The following SLC22A23 variants were observed in gnomAD, a reference collection of about 807,000 sequenced individuals.
The protein encoded by SLC22A23 is solute carrier family 22 member 23.
Under a neutral mutation model 61.0 loss-of-function variants are expected in SLC22A23, and 26 were observed. The ratio of observed to expected loss-of-function variants is 0.43; its 90% CI spans 0.31 to 0.59. The LOEUF (loss-of-function observed/expected upper bound fraction) is 0.59. Ranked by LOEUF, SLC22A23 falls within the 20% of genes least tolerant of loss-of-function variation. The pLI is 0.11. For missense variants in SLC22A23, 796 were observed against 934.7 expected, an observed-to-expected ratio of 0.85 and a Z score of 1.94; for synonymous variants, 430 against 413.9, an observed-to-expected ratio of 1.04 and a Z score of -0.47.
intron 3 of SLC22A23, among the ~76,000 whole-genome samples, chr6:3,331,508 A>G (rs1763579244): frequency 6.6e-6 from 1 of 152,256 alleles, no homozygotes. Context: ...GGAACTCATC[A>G]AAGTCCACAT....
chr6:3,366,330 C>G (rs1187880026), intron 3 of SLC22A23, among the ~76,000 whole-genome samples: 6 of 26,666 alleles, frequency 2.3e-4, no homozygotes, highest in African/African-American at 4.3e-4. Flanking sequence ...AAGACTCTGT[C>G]TCAAAAAAAA....
intron 3 of SLC22A23, among the ~76,000 whole-genome samples, chr6:3,338,499 G>A (rs1763980216): frequency 1.3e-5 from 2 of 152,174 alleles, no homozygotes; most frequent in Admixed American, 6.5e-5. Flanking sequence ...GCTAATTTTT[G>A]TGTTTTTAGG....
chr6:3,381,899 G>A (rs1319896052), intron 3 of SLC22A23, among the ~76,000 whole-genome samples: 1 of 152,098 alleles, frequency 6.6e-6, no homozygotes, highest in Non-Finnish European at 1.5e-5. Context: ...CATGCACCCT[G>A]CTTAAAGAAT....
At chr6:3,278,721 A>G (rs1759140698) in intron 9 of SLC22A23, among the ~76,000 whole-genome samples, 1 of 152,242 alleles carries the variant, frequency 6.6e-6, no homozygotes, top group Non-Finnish European at 1.5e-5. Flanking sequence ...CTGAACACCT[A>G]AAATAGCCAA....
intron 3 of SLC22A23, among the ~76,000 whole-genome samples, chr6:3,389,328 A>G (rs1225928351): frequency 6.6e-6 from 1 of 150,856 alleles, no homozygotes; most frequent in Non-Finnish European, 1.5e-5. Context: ...GCTGAATGGC[A>G]TGACAGAAGC....
chr6:3,283,892 T>G lies in SLC22A23; in HGVS notation c.1663A>C (p.Ser555Arg). ...GTGATCTCCGCACAGAAGAACACGC[T>G]GAGGCTCCCCACCGCATGGGAGGCA... ...MFASHAVGSL[S>R]VFFCAEITPT... Residue 555 changes from serine to arginine, a missense_variant, in exon 9 of 10, where the codon AGC (serine) becomes CGC (arginine). Physicochemically the swap from Ser to Arg is moderately radical, Grantham distance 110 (BLOSUM62 -1). Transcript: ENST00000406686. 6.2e-7 allele frequency: 1 copy of G among 1,612,972 alleles called. No individual in the cohort carries two copies. Among genetic ancestry groups the G allele is most frequent in the South Asian group, 1.1e-5 (1 of 91,064 alleles).
Position 3,327,420 on chromosome 6 carries a change from T to C in SLC22A23, c.914-3418A>G, listed in dbSNP as rs1763347335. On this transcript the variant is annotated intron_variant, in intron 3 of 9. Transcript: ENST00000406686. This position sits in a 1 kb window ranked among gnomAD's most constrained non-coding sequence, Gnocchi z 4.1. The stretch of plus-strand genomic sequence containing the variant: ...TCATGGGCAGCCAGACTCTCCCTGA[T>C]TATGTAAAACATTTAAGGGCCACAA... 6.6e-6 allele frequency among the ~76,000 whole-genome samples: 1 copy of C among 152,268 alleles called. No individual in the cohort carries two copies. The highest frequency in any genetic ancestry group is 2.1e-4 in the South Asian group (1 of 4,834).
In SLC22A23 at chr6:3,324,927, C is replaced by T. The variant is rs1763189838; in HGVS notation, c.914-925G>A. Among the ~76,000 whole-genome samples the T allele has an allele frequency of 6.6e-6, 1 of 152,254 alleles. No homozygotes were observed. Among genetic ancestry groups the T allele is most frequent in the Admixed American group, 6.5e-5 (1 of 15,290 alleles). ...CCAAGTGACAACCAATACAGACTTA[C>T]TACTACGTGAATCACCATAATGAAA... On this transcript the variant is annotated intron_variant, in intron 3 of 9. Coordinates refer to ENST00000406686, the MANE Select transcript of SLC22A23 (RefSeq NM_015482.2). The surrounding 1 kb of genome is among the most constrained non-coding windows in gnomAD (Gnocchi z 4.3).
chr6:3,274,837 TAAAA>T (rs1203763326), intron 9 of SLC22A23, among the ~76,000 whole-genome samples: 3 of 152,092 alleles, frequency 2.0e-5, no homozygotes, highest in Non-Finnish European at 4.4e-5. Context: ...AATTAAAAGA[TAAAA>T]ATAAATGGAG....
intron 7 of SLC22A23, among the ~76,000 whole-genome samples, chr6:3,285,328 C>A (rs531439485): frequency 3.5e-4 from 54 of 152,360 alleles, no homozygotes; most frequent in Middle Eastern, 3.4e-3. Flanking sequence ...AGGAGTGAGA[C>A]CCTGCTGGCC....
At chr6:3,442,973 C>T (rs1771693037) in intron 1 of SLC22A23, among the ~76,000 whole-genome samples, 1 of 152,226 alleles carries the variant, frequency 6.6e-6, no homozygotes, top group Non-Finnish European at 1.5e-5. Context: ...TGGAAGACTG[C>T]TCCCTGGCTC....
Position 3,427,196 on chromosome 6 carries a change from C to T in SLC22A23, c.655-11341G>A, listed in dbSNP as rs1195285783. ...GACGTAGGAGTCGCAAAACCTTCACCAGAGGGTTGTTACAAGAGTCAAAAA... is the reference window on the plus strand; with the variant it reads ...GACGTAGGAGTCGCAAAACCTTCACTAGAGGGTTGTTACAAGAGTCAAAAA... On this transcript the variant is annotated intron_variant, in intron 1 of 9. Coordinates refer to ENST00000406686, the MANE Select transcript of SLC22A23 (RefSeq NM_015482.2). The surrounding 1 kb of genome is among the most constrained non-coding windows in gnomAD (Gnocchi z 4.3). Among the ~76,000 whole-genome samples, 1 of 152,146 alleles carries T rather than the reference C, an allele frequency of 6.6e-6. No homozygotes were observed. Among genetic ancestry groups the T allele is most frequent in the African/African-American group, 2.4e-5 (1 of 41,418 alleles).
At chr6:3,289,952 G>A in intron 5 of SLC22A23, 86 bp from the exon 6 acceptor site, 3 of 797,654 alleles carry the variant, frequency 3.8e-6, no homozygotes, top group Non-Finnish European at 4.2e-6. Flanking sequence ...TGGTTCCCCA[G>A]TTCGGGTACC....
rs569912159 is a variant in SLC22A23 at position 3,329,448 on chromosome 6, A to C, written c.914-5446T>G. 8.5e-4 allele frequency among the ~76,000 whole-genome samples: 130 copies of C among 152,304 alleles called. No individual in the cohort carries two copies. Among genetic ancestry groups the C allele is most frequent in the African/African-American group, 3.1e-3 (127 of 41,570 alleles). On this transcript the variant is annotated intron_variant, in intron 3 of 9. Transcript: ENST00000406686. This position sits in a 1 kb window ranked among gnomAD's most constrained non-coding sequence, Gnocchi z 4.8. ...GGATTTTTCTGGACTGGAGTTGGCA[A>C]GTAACAAAGGAATATATTAAGTTGA...
At chr6:3,374,269 G>A (rs1365211467) in intron 3 of SLC22A23, among the ~76,000 whole-genome samples, 1 of 152,222 alleles carries the variant, frequency 6.6e-6, no homozygotes, top group African/African-American at 2.4e-5. Flanking sequence ...CCAGGCTCAA[G>A]CCTGGTATAT....
intron 3 of SLC22A23, among the ~76,000 whole-genome samples, chr6:3,338,436 T>C (rs1330407699): frequency 2.6e-5 from 4 of 152,258 alleles, no homozygotes; most frequent in African/African-American, 9.6e-5. Context: ...TTCAAGTGAT[T>C]CTCCTGCCTC....
chr6:3,374,725 A>T (rs977397), intron 3 of SLC22A23, among the ~76,000 whole-genome samples: 79,003 of 151,580 alleles, frequency 0.52, 21,230 homozygotes, highest in African/African-American at 0.64. Context: ...CAGAGCAAGG[A>T]GCTGACAAGT....
At chr6:3,446,381 A>G (rs1771897117) in intron 1 of SLC22A23, among the ~76,000 whole-genome samples, 1 of 152,238 alleles carries the variant, frequency 6.6e-6, no homozygotes, top group African/African-American at 2.4e-5. Context: ...CACGCCCAGG[A>G]CAATCTTTTA....
At chr6:3,315,279 G>A (rs1762573864) in intron 4 of SLC22A23, among the ~76,000 whole-genome samples, 1 of 152,216 alleles carries the variant, frequency 6.6e-6, no homozygotes, top group Admixed American at 6.5e-5. Context: ...GAGGTCGGGG[G>A]AGCAGGCTGG....
Sources: gnomAD v4.1 joint callset for allele counts (sites outside exome capture counted in the v4.1 genomes callset) on GRCh38, gnomAD v4.1.1 for gene constraint, Gnocchi (gnomAD v3.1) non-coding constraint, MANE v1.5 for transcripts, NCBI Gene and HGNC (gene_info 2026-07-23, HGNC 2026-07-21) for gene names.